Variants in TENM3 observed in about 807,000 individuals in gnomAD.
The protein encoded by TENM3 is teneurin transmembrane protein 3.
Under a neutral mutation model 255.1 loss-of-function variants are expected in TENM3, and 63 were observed. That is an observed-to-expected ratio of 0.25 (90% CI 0.20 to 0.30). The LOEUF is 0.30. Among genes scored for constraint, TENM3 ranks in the 10% least tolerant of loss-of-function variants. TENM3 has a pLI of 1.00. For missense variants in TENM3, 2,929 were observed against 3,461.1 expected (o/e 0.85, Z 3.86); for synonymous variants, 1,306 against 1,322.3 (o/e 0.99, Z 0.27).
intron 7 of TENM3, 72 bp downstream of exon 7, chr4:182,673,291 A>G: frequency 9.2e-7 from 1 of 1,082,772 alleles, no homozygotes; most frequent in East Asian, 2.5e-5. Context: ...CTCTTTCTTA[A>G]GCTCAGCTGT....
upstream of TENM3, among the ~76,000 whole-genome samples, chr4:182,241,514 C>CTTTCTT (rs1757252919): frequency 9.7e-6 from 1 of 102,626 alleles, no homozygotes; most frequent in South Asian, 2.6e-4. Context: ...TTTCTTTTTT[C>CTTTCTT]TTTCTTTTTT....
the TENM3 span, among the ~76,000 whole-genome samples, chr4:181,814,207 T>C: frequency 3.3e-5 from 5 of 152,076 alleles, no homozygotes; most frequent in Non-Finnish European, 7.4e-5. Context: ...TAGACACATG[T>C]AAAACAAATC....
the TENM3 span, among the ~76,000 whole-genome samples, chr4:181,480,042 C>G: frequency 9.2e-5 from 14 of 152,030 alleles, no homozygotes; most frequent in African/African-American, 3.4e-4. Flanking sequence ...AATCATCATA[C>G]AAATAAAATT....
the TENM3 span, among the ~76,000 whole-genome samples, chr4:181,905,226 A>G: frequency 6.6e-6 from 1 of 152,162 alleles, no homozygotes; most frequent in Non-Finnish European, 1.5e-5. Context: ...ATAATTATAT[A>G]TATTTAAGTA....
the TENM3 span, among the ~76,000 whole-genome samples, chr4:181,990,301 T>A: frequency 6.6e-6 from 1 of 152,148 alleles, no homozygotes; most frequent in Non-Finnish European, 1.5e-5. Context: ...TGTCTCTTCT[T>A]CTGAAGTAAG....
the TENM3 span, among the ~76,000 whole-genome samples, chr4:181,462,044 T>C: frequency 6.6e-6 from 1 of 152,220 alleles, no homozygotes; most frequent in African/African-American, 2.4e-5. Context: ...TGGAATGGAT[T>C]TGACCGATTT....
At chr4:182,488,797 T>C (rs915515863) in intron 3 of TENM3, among the ~76,000 whole-genome samples, 6 of 152,086 alleles carry the variant, frequency 3.9e-5, no homozygotes, top group Admixed American at 6.6e-5. Flanking sequence ...GGTAATGTAA[T>C]TTACGTGTGT....
chr4:182,427,681 C>A (rs1034656501), intron 3 of TENM3, among the ~76,000 whole-genome samples: 1 of 152,102 alleles, frequency 6.6e-6, no homozygotes, highest in Non-Finnish European at 1.5e-5. Context: ...TTGAGTCATG[C>A]GGTACACAAA....
intron 3 of TENM3, among the ~76,000 whole-genome samples, chr4:182,475,279 A>AT (rs1409161993): frequency 9.2e-5 from 14 of 152,226 alleles, no homozygotes; most frequent in South Asian, 6.2e-4. Context: ...AAAGTTGGTT[A>AT]TTTTTTAAAA....
intron 1 of TENM3, among the ~76,000 whole-genome samples, chr4:182,223,603 AAC>A (rs111395148): frequency 2.9e-4 from 44 of 152,126 alleles, no homozygotes; most frequent in African/African-American, 1.0e-3. Flanking sequence ...CTTTGAAGAA[AAC>A]AGTGTTATCT....
intron 1 of TENM3, among the ~76,000 whole-genome samples, chr4:182,236,542 A>C (rs1355878888): frequency 6.6e-6 from 1 of 152,228 alleles, no homozygotes; most frequent in East Asian, 1.9e-4. Context: ...TTTGTAGTGG[A>C]CCATACAAAC....
chr4:181,657,923 G>A, the TENM3 span, among the ~76,000 whole-genome samples: 5 of 152,106 alleles, frequency 3.3e-5, no homozygotes, highest in African/African-American at 4.8e-5. Context: ...ACTTACAAGC[G>A]GGAGCTAAGC....
the TENM3 span, among the ~76,000 whole-genome samples, chr4:181,652,863 C>T: frequency 2.0e-5 from 3 of 152,090 alleles, no homozygotes; most frequent in Non-Finnish European, 4.4e-5. Context: ...GCATTTACAC[C>T]GAATCTTCAC....
At chr4:182,015,702 G>A in the TENM3 span, among the ~76,000 whole-genome samples, 654 of 151,804 alleles carry the variant, frequency 4.3e-3, 6 homozygotes, top group African/African-American at 0.015. Context: ...CTGGGACTAC[G>A]GGCATGCACC....
chr4:181,581,728 C>G, the TENM3 span, among the ~76,000 whole-genome samples: 1 of 139,238 alleles, frequency 7.2e-6, no homozygotes, highest in Non-Finnish European at 1.6e-5. Flanking sequence ...TTCCGCTTTA[C>G]TTTTTTTTTT....
At chr4:182,717,317 T>C (rs897367590) in intron 13 of TENM3, among the ~76,000 whole-genome samples, 2 of 152,178 alleles carry the variant, frequency 1.3e-5, no homozygotes, top group African/African-American at 4.8e-5. Context: ...TTATGAGGAA[T>C]AGGAAGAACG....
At chr4:181,604,546 G>A in the TENM3 span, among the ~76,000 whole-genome samples, 10 of 152,052 alleles carry the variant, frequency 6.6e-5, no homozygotes, top group Non-Finnish European at 1.0e-4. Flanking sequence ...CGTTCCTCGG[G>A]GCCACTGGAG....
chr4:182,750,923 G>T (rs936064329), intron 19 of TENM3, among the ~76,000 whole-genome samples: 4 of 152,156 alleles, frequency 2.6e-5, no homozygotes, highest in African/African-American at 9.7e-5. Context: ...TAAGAATGTG[G>T]CATTGAGTGT....
intron 22 of TENM3, among the ~76,000 whole-genome samples, chr4:182,767,724 G>A (rs541875152): frequency 2.0e-4 from 30 of 152,138 alleles, no homozygotes; most frequent in Non-Finnish European, 3.8e-4. Context: ...TTCTTACTGG[G>A]ATCCAAGTCT....
Sources: allele counts gnomAD v4.1 joint callset (sites outside exome capture counted in the v4.1 genomes callset), GRCh38; gene constraint gnomAD v4.1.1; transcripts MANE v1.5; gene names NCBI Gene and HGNC (gene_info 2026-07-23, HGNC 2026-07-21).